The following THRB variants were observed in gnomAD, a reference collection of about 807,000 sequenced individuals.
THRB encodes thyroid hormone receptor beta.
THRB carries 12 observed loss-of-function variants against 47.8 expected under a neutral mutation model. The observed-to-expected ratio is 0.25, with a 90% CI of 0.16 to 0.41. The LOEUF is 0.41. THRB is among the 10% of genes least tolerant of loss of function. The pLI is 1.00. For synonymous variants in THRB, 218 were observed against 212.2 expected, an observed-to-expected ratio of 1.03 and a Z score of -0.24; for missense variants, 348 against 589.2, an observed-to-expected ratio of 0.59 and a Z score of 4.24.
At chr3:24,207,255 G>T (rs565781864) in intron 4 of THRB, among the ~76,000 whole-genome samples, 7 of 151,910 alleles carry the variant, frequency 4.6e-5, no homozygotes, top group African/African-American at 1.5e-4. Context: ...AATAAAATAC[G>T]GGCAAACTGA....
At chr3:24,150,265 G>A (rs1039850077) in intron 6 of THRB, among the ~76,000 whole-genome samples, 2 of 152,052 alleles carry the variant, frequency 1.3e-5, no homozygotes, top group African/African-American at 2.4e-5. Flanking sequence ...TTAAATTACA[G>A]GTTTGAATAA....
chr3:24,321,632 A>ATT (rs538351928), intron 2 of THRB, among the ~76,000 whole-genome samples: 2 of 148,496 alleles, frequency 1.3e-5, no homozygotes, highest in Non-Finnish European at 3.0e-5. Context: ...TGCTAATATA[A>ATT]TTTTTTTTTT....
At chr3:24,400,851 C>A (rs922638483) in intron 1 of THRB, among the ~76,000 whole-genome samples, 10 of 152,006 alleles carry the variant, frequency 6.6e-5, no homozygotes, top group African/African-American at 2.4e-4. Flanking sequence ...CACTGGGGGA[C>A]TAAAATTAGC....
intron 5 of THRB, among the ~76,000 whole-genome samples, chr3:24,153,008 T>C (rs2596621): frequency 0.17 from 24,886 of 146,158 alleles, 2,264 homozygotes; most frequent in Admixed American, 0.29. Flanking sequence ...GAAAGAAAGA[T>C]AGCTGTGATC....
chr3:24,397,351 C>T (rs9834269), intron 1 of THRB, among the ~76,000 whole-genome samples: 1 of 152,022 alleles, frequency 6.6e-6, no homozygotes, highest in South Asian at 2.1e-4. Flanking sequence ...TGTAACTTGG[C>T]CATATAGTTG....
At chr3:24,205,867 C>T (rs1300780686) in intron 4 of THRB, among the ~76,000 whole-genome samples, 1 of 152,164 alleles carries the variant, frequency 6.6e-6, no homozygotes, top group Non-Finnish European at 1.5e-5. Flanking sequence ...TCCAATAAAA[C>T]AGACTTTAAA....
At chr3:24,435,593 A>T (rs1201383407) in intron 1 of THRB, among the ~76,000 whole-genome samples, 1 of 152,158 alleles carries the variant, frequency 6.6e-6, no homozygotes, top group African/African-American at 2.4e-5. Flanking sequence ...CGTGCCTTGT[A>T]CAAAGTATGG....
At chr3:24,440,788 A>G (rs2071447919) in intron 1 of THRB, among the ~76,000 whole-genome samples, 1 of 152,208 alleles carries the variant, frequency 6.6e-6, no homozygotes, top group Non-Finnish European at 1.5e-5. Flanking sequence ...TGGAATACAA[A>G]TTGTACTGAG....
At chr3:24,269,442 C>CACACACACATATACA (rs58200122) in intron 3 of THRB, among the ~76,000 whole-genome samples, 1 of 141,044 alleles carries the variant, frequency 7.1e-6, no homozygotes, top group African/African-American at 2.7e-5. Flanking sequence ...CACACACACA[C>CACACACACATATACA]TTAAGTTATC....
chr3:24,186,724 T>C (rs1371486071), intron 5 of THRB, among the ~76,000 whole-genome samples: 5 of 151,994 alleles, frequency 3.3e-5, no homozygotes, highest in Non-Finnish European at 7.4e-5. Context: ...GGTGGGTGGA[T>C]CACCTGAGCT....
At chr3:24,294,496 G>A (rs1047827067) in intron 3 of THRB, among the ~76,000 whole-genome samples, 1 of 152,196 alleles carries the variant, frequency 6.6e-6, no homozygotes, top group African/African-American at 2.4e-5. Flanking sequence ...CAGTTTGCTA[G>A]AGGTAGTATG....
chr3:24,357,969 T>G (rs962129772), intron 1 of THRB, among the ~76,000 whole-genome samples: 2 of 152,146 alleles, frequency 1.3e-5, no homozygotes, highest in African/African-American at 4.8e-5. Flanking sequence ...TAGTACTTGA[T>G]TGTTTATTTT....
Position 24,164,943 on chromosome 3 carries a change from C to T in THRB, c.284-12453G>A, listed in dbSNP as rs1365756701. 7.9e-6 allele frequency: 5 copies of T among 628,958 alleles called. 1 individual carries two copies. Among genetic ancestry groups the T allele is most frequent in the Admixed American group, 2.6e-5 (1 of 38,262 alleles). The allele number at this position is 628,958 out of a possible 1,614,324, so 39.0% of individuals were successfully genotyped here. A position where few individuals can be genotyped will look rare whatever the true frequency, so the allele number is the denominator to read the frequency against. On this transcript the variant is annotated intron_variant, in intron 5 of 10. Coordinates refer to ENST00000646209, the MANE Select transcript of THRB (RefSeq NM_001354712.2). Reference sequence around the variant, plus strand: ...TTAGCGTTCAAATTCAAAGATTTGACGAAGCTGATGTAAACTGTAACTTTA... The same window carrying T: ...TTAGCGTTCAAATTCAAAGATTTGATGAAGCTGATGTAAACTGTAACTTTA...
At chr3:24,407,286 G>A (rs1462402011) in intron 1 of THRB, among the ~76,000 whole-genome samples, 2 of 151,670 alleles carry the variant, frequency 1.3e-5, no homozygotes, top group Non-Finnish European at 1.5e-5. Flanking sequence ...TATGAATTCC[G>A]CAATTGCTGC....
At chr3:24,444,169 G>A (rs537355286) in intron 1 of THRB, among the ~76,000 whole-genome samples, 5 of 151,800 alleles carry the variant, frequency 3.3e-5, no homozygotes, top group Admixed American at 1.3e-4. Context: ...TTTGAACTTT[G>A]CTGTGGAAAT....
intron 2 of THRB, among the ~76,000 whole-genome samples, chr3:24,306,327 A>T (rs2057333416): frequency 6.6e-6 from 1 of 152,196 alleles, no homozygotes; most frequent in Non-Finnish European, 1.5e-5. Context: ...GACCACCCAC[A>T]GGGAGGAGGC....
At chr3:24,181,238 C>T (rs2041859498) in intron 5 of THRB, among the ~76,000 whole-genome samples, 1 of 152,102 alleles carries the variant, frequency 6.6e-6, no homozygotes, top group Admixed American at 6.5e-5. Context: ...GTCTTCCCCA[C>T]AAGGGAAAAT....
At chr3:24,269,599 ATT>A (rs10575669) in intron 3 of THRB, among the ~76,000 whole-genome samples, 28,804 of 134,334 alleles carry the variant, frequency 0.21, 2,603 homozygotes, top group South Asian at 0.29. Context: ...ATAATTTTTA[ATT>A]TTTTTTTTTT....
chr3:24,208,485 T>C (rs955364909), intron 4 of THRB, among the ~76,000 whole-genome samples: 6 of 152,196 alleles, frequency 3.9e-5, no homozygotes, highest in African/African-American at 1.4e-4. Flanking sequence ...AGCATGGTAC[T>C]GGTACCAAAA....
Sources: gnomAD v4.1 joint callset for allele counts (sites outside exome capture counted in the v4.1 genomes callset) on GRCh38, gnomAD v4.1.1 for gene constraint, MANE v1.5 for transcripts, NCBI Gene and HGNC (gene_info 2026-07-23, HGNC 2026-07-21) for gene names.